SLC38A1: variants seen among roughly 807,000 people sequenced by gnomAD.
The protein encoded by SLC38A1 is sodium-coupled neutral amino acid symporter 1.
A neutral mutation model predicts 60.3 loss-of-function variants in SLC38A1; 18 were observed. The ratio of observed to expected loss-of-function variants is 0.30; its 90% CI spans 0.21 to 0.44. SLC38A1 has a LOEUF of 0.44. Among genes scored for constraint, SLC38A1 ranks in the 20% least tolerant of loss-of-function variants. The probability of loss-of-function intolerance (pLI) is 1.00; values close to 1 mark genes in which losing one functional copy is unlikely to be tolerated. For synonymous variants in SLC38A1, 196 were observed against 212.1 expected (o/e 0.92, Z 0.66); for missense variants, 448 against 587.2 (o/e 0.76, Z 2.45).
intron 5 of SLC38A1, among the ~76,000 whole-genome samples, chr12:46,216,630 T>G (rs967365398): frequency 2.6e-5 from 4 of 152,078 alleles, no homozygotes; most frequent in Non-Finnish European, 5.9e-5. Context: ...GTGGGCAGAT[T>G]GCCTGAGCTC....
At chr12:46,245,889 C>A (rs1229214532) in intron 1 of SLC38A1, among the ~76,000 whole-genome samples, 1 of 152,114 alleles carries the variant, frequency 6.6e-6, no homozygotes, top group Non-Finnish European at 1.5e-5. Flanking sequence ...TAGCTCTAGT[C>A]CCTCTTCCTT....
intron 3 of SLC38A1, among the ~76,000 whole-genome samples, chr12:46,231,293 G>A (rs1227958876): frequency 6.6e-6 from 1 of 152,210 alleles, no homozygotes; most frequent in Non-Finnish European, 1.5e-5. Flanking sequence ...AGACTCCAAA[G>A]AAGGGGAAGG....
chr12:46,216,476 G>A (rs1466978911), intron 5 of SLC38A1, among the ~76,000 whole-genome samples: 1 of 152,166 alleles, frequency 6.6e-6, no homozygotes, highest in African/African-American at 2.4e-5. Context: ...CTCTCAGTGA[G>A]GCTCGAGGAC....
chr12:46,264,979 G>T lies in SLC38A1; in HGVS notation c.-209+3547C>A, dbSNP rs1942308788. On this transcript the variant is annotated intron_variant, in intron 1 of 16. Transcript: ENST00000398637. ...TCCATCAAGATATATTTTCAGAAAA[G>T]TATTTTTAAAAGATTACATAGTCAC... 2.6e-5 allele frequency among the ~76,000 whole-genome samples: 4 copies of T among 152,282 alleles called. No individual in the cohort carries two copies. The South Asian group carries it at 8.3e-4, about 32-fold the overall frequency.
intron 1 of SLC38A1, among the ~76,000 whole-genome samples, chr12:46,251,614 T>A (rs1177691810): frequency 6.6e-6 from 1 of 152,028 alleles, no homozygotes; most frequent in Non-Finnish European, 1.5e-5. Flanking sequence ...ATCCAGAATC[T>A]ACAAAGAACT....
intron 1 of SLC38A1, among the ~76,000 whole-genome samples, chr12:46,261,288 T>C (rs1397092789): frequency 2.6e-5 from 4 of 152,310 alleles, no homozygotes; most frequent in South Asian, 2.1e-4. Context: ...ATTGTTCCAG[T>C]TGAGAACCTG....
chr12:46,226,659 C>T (rs1466135878), intron 5 of SLC38A1, among the ~76,000 whole-genome samples: 3 of 140,668 alleles, frequency 2.1e-5, no homozygotes, highest in African/African-American at 5.3e-5. Context: ...GAATCTTGCT[C>T]TGTCCCCCAG....
Position 46,259,078 on chromosome 12 carries a change from A to T in SLC38A1, c.-209+9448T>A, listed in dbSNP as rs545626991. On this transcript the variant is annotated intron_variant, in intron 1 of 16. Transcript: ENST00000398637. ...AAAAAAGAAGTGACCACGTGAGATG[A>T]TGGATATATTAATTTTCTTGACTCT... Among the ~76,000 whole-genome samples, 25 of 152,356 alleles carry T rather than the reference A, an allele frequency of 1.6e-4. No homozygotes were observed. The South Asian group carries it at 5.2e-3, about 32-fold the overall frequency.
chr12:46,183,668 G>T lies in SLC38A1; in HGVS notation c.*5302C>A, dbSNP rs1938843414. On this transcript the variant is annotated 3_prime_UTR_variant, in exon 17 of 17. Transcript: ENST00000398637. Reference sequence around the variant, plus strand: ...TATGAAGAAACAATTTGTCATTTGGGTATATCTGTTTCTATAGGACAAGGA... The same window carrying T: ...TATGAAGAAACAATTTGTCATTTGGTTATATCTGTTTCTATAGGACAAGGA... The T allele has an allele frequency of 6.6e-6, 1 of 152,124 alleles. No homozygotes were observed. The highest frequency in any genetic ancestry group is 1.5e-5 in the Non-Finnish European group (1 of 68,026). The allele number at this position is 152,124 out of a possible 1,614,324, so 9.4% of individuals were successfully genotyped here. A position where few individuals can be genotyped will look rare whatever the true frequency, so the allele number is the denominator to read the frequency against.
At chr12:46,246,133 G>T (rs1016711657) in intron 1 of SLC38A1, among the ~76,000 whole-genome samples, 14 of 152,206 alleles carry the variant, frequency 9.2e-5, no homozygotes, top group African/African-American at 2.9e-4. Context: ...TGAGGTACCT[G>T]GTTCATCTCA....
rs373851959 is a variant in SLC38A1, at chr12:46,206,141, G to T, written c.585C>A (p.Arg195=). ...ETFSAWYVDG[R]VLVVIVTFGI... is the part of the protein sequence containing the mutation. ...CAAAGGTAACTATCACCACCAGAAC[G>T]CGGCCATCCACGTACCAGGCTCTGA... The change falls in exon 9 of 17, where the codon CGC becomes CGA. Residue 195 remains arginine, a synonymous_variant. Transcript: ENST00000398637. The T allele has an allele frequency of 3.7e-6, 6 of 1,609,896 alleles. No homozygotes were observed. The highest frequency in any genetic ancestry group is 5.1e-6 in the Non-Finnish European group (6 of 1,177,312).
At chr12:46,235,924 T>C (rs2138146521) in intron 3 of SLC38A1, among the ~76,000 whole-genome samples, 1 of 152,352 alleles carries the variant, frequency 6.6e-6, no homozygotes, top group Middle Eastern at 3.4e-3. Context: ...AATAATCTAC[T>C]AATGTTTCAC....
chr12:46,257,047 A>AG (rs1326209261), intron 1 of SLC38A1, among the ~76,000 whole-genome samples: 4 of 152,210 alleles, frequency 2.6e-5, no homozygotes, highest in Non-Finnish European at 1.5e-5. Context: ...CAGGGAGGCC[A>AG]GAAAAAGACC....
At chr12:46,250,367 C>CT (rs1941792743) in intron 1 of SLC38A1, among the ~76,000 whole-genome samples, 2 of 152,076 alleles carry the variant, frequency 1.3e-5, no homozygotes, top group Non-Finnish European at 2.9e-5. Flanking sequence ...TATGACAAAC[C>CT]CACAGCCAAT....
At chr12:46,252,926 G>A (rs1269563400) in intron 1 of SLC38A1, among the ~76,000 whole-genome samples, 1 of 149,224 alleles carries the variant, frequency 6.7e-6, no homozygotes, top group Non-Finnish European at 1.5e-5. Flanking sequence ...GGACATAATG[G>A]TAAGTAAAAC....
chr12:46,206,242 C>A, intron 8 of SLC38A1, 80 bp from the exon 9 acceptor site: 1 of 722,990 alleles, frequency 1.4e-6, no homozygotes, highest in Non-Finnish European at 2.3e-6. Context: ...TTCATGATAT[C>A]ATGATATATA....
intron 1 of SLC38A1, among the ~76,000 whole-genome samples, chr12:46,264,574 C>CT (rs1377927326): frequency 5.3e-5 from 8 of 151,908 alleles, no homozygotes; most frequent in African/African-American, 9.7e-5. Context: ...GGGTCAGTGT[C>CT]TTTTTTTAGG....
chr12:46,198,473 A>T (rs1375399526), intron 14 of SLC38A1, 152 bp downstream of exon 14: 2 of 577,150 alleles, frequency 3.5e-6, no homozygotes, highest in African/African-American at 3.8e-5. Flanking sequence ...CTTTTCAAAG[A>T]GCCTGAACCG....
At chr12:46,246,348 G>A (rs1028182491) in intron 1 of SLC38A1, among the ~76,000 whole-genome samples, 1 of 152,256 alleles carries the variant, frequency 6.6e-6, no homozygotes, top group Non-Finnish European at 1.5e-5. Context: ...CAAACCAGGA[G>A]ATTGTATCCT....
Sources: allele counts gnomAD v4.1 joint callset (sites outside exome capture counted in the v4.1 genomes callset), GRCh38; gene constraint gnomAD v4.1.1; transcripts MANE v1.5; gene names NCBI Gene and HGNC (gene_info 2026-07-23, HGNC 2026-07-21).